Variants in NBEA observed in about 807,000 individuals in gnomAD.
The protein encoded by NBEA is lysosomal-trafficking regulator 2.
NBEA carries 44 observed loss-of-function variants against 343.4 expected under a neutral mutation model. That is an observed-to-expected ratio of 0.13 (90% CI 0.10 to 0.16). The LOEUF (loss-of-function observed/expected upper bound fraction) is 0.16. Ranked by LOEUF, NBEA falls within the 10% of genes least tolerant of loss-of-function variation. The probability of loss-of-function intolerance (pLI) is 1.00; values close to 1 mark genes in which losing one functional copy is unlikely to be tolerated. For missense variants in NBEA, 2,555 were observed against 3,631.3 expected, an observed-to-expected ratio of 0.70 and a Z score of 7.62; for synonymous variants, 1,175 against 1,238.7, an observed-to-expected ratio of 0.95 and a Z score of 1.08.
intron 17 of NBEA, among the ~76,000 whole-genome samples, chr13:35,127,605 CAAATATAGGCCTATTGACTA>C (rs561360140): frequency 7.9e-4 from 120 of 152,066 alleles, no homozygotes; most frequent in African/African-American, 2.7e-3. Context: ...TGAAATATTA[CAAATATAGGCCTATTGACTA>C]AAATTTGATG....
chr13:34,999,215 GTGGGTATATAATA>G (rs2061039489), intron 1 of NBEA, among the ~76,000 whole-genome samples: 1 of 152,080 alleles, frequency 6.6e-6, no homozygotes, highest in African/African-American at 2.4e-5. Flanking sequence ...AAAAATTTTT[GTGGGTATATAATA>G]TGGGGAATAT....
At chr13:35,268,458 A>C (rs982517832) in intron 34 of NBEA, among the ~76,000 whole-genome samples, 1 of 152,048 alleles carries the variant, frequency 6.6e-6, no homozygotes, top group Non-Finnish European at 1.5e-5. Context: ...GACTGAACTT[A>C]ATACCTCTGC....
chr13:35,442,945 C>T (rs528213996), intron 39 of NBEA, among the ~76,000 whole-genome samples: 120 of 152,192 alleles, frequency 7.9e-4, no homozygotes, highest in African/African-American at 2.8e-3. Flanking sequence ...ATGAAAATCA[C>T]GTTAGTATTG....
intron 39 of NBEA, among the ~76,000 whole-genome samples, chr13:35,442,658 T>TATGA (rs968480938): frequency 2.0e-5 from 3 of 152,210 alleles, no homozygotes; most frequent in Admixed American, 1.3e-4. Context: ...AAATACTGTT[T>TATGA]ATGAATTTCC....
chr13:34,974,998 G>T (rs1727362881), intron 1 of NBEA, among the ~76,000 whole-genome samples: 1 of 152,184 alleles, frequency 6.6e-6, no homozygotes, highest in Non-Finnish European at 1.5e-5. Flanking sequence ...GGCTAAGCAT[G>T]TAGTCCTCAT....
intron 30 of NBEA, among the ~76,000 whole-genome samples, chr13:35,195,107 A>G (rs2072485386): frequency 6.6e-6 from 1 of 152,118 alleles, no homozygotes; most frequent in South Asian, 2.1e-4. Context: ...TTCAGATATT[A>G]TTAGTTATTG....
chr13:35,048,465 C>T, intron 4 of NBEA, 98 bp from the exon 5 acceptor site: 1 of 1,119,950 alleles, frequency 8.9e-7, no homozygotes, highest in Non-Finnish European at 1.2e-6. Flanking sequence ...GGTATTTATA[C>T]TTTGATTGTT....
chr13:35,045,363 C>T lies in NBEA; in HGVS notation c.685C>T (p.Pro229Ser). Reference sequence around the variant, plus strand: ...TAATCAGATGCCACAGAGACACGGTCCTGATACTTTTTTCAATTTCCCTGG... The same window carrying T: ...TAATCAGATGCCACAGAGACACGGTTCTGATACTTTTTTCAATTTCCCTGG... Reference protein sequence around the residue: ...VLNQMPQRHGPDTFFNFPGCS... With the variant: ...VLNQMPQRHGSDTFFNFPGCS... The change falls in exon 4 of 59, where the codon CCT becomes TCT. Residue 229 changes from proline (P) to serine (S), a missense_variant. Physicochemically the swap from Pro to Ser is moderately conservative, Grantham distance 74. Around this residue, in one of 21 missense-constraint regions of NBEA, gnomAD observed 185 missense variants for 290.6 expected, o/e 0.64. Transcript: ENST00000379939. The T allele has an allele frequency of 6.2e-7, 1 of 1,612,258 alleles. No homozygotes were observed. The highest frequency in any genetic ancestry group is 2.2e-5 in the East Asian group (1 of 44,746).
chr13:35,359,516 AT>A (rs200357934), intron 38 of NBEA, among the ~76,000 whole-genome samples: 2 of 152,020 alleles, frequency 1.3e-5, no homozygotes, highest in Non-Finnish European at 2.9e-5. Flanking sequence ...TACCAAAAAA[AT>A]AGTTTAGTTA....
At chr13:35,426,345 A>G (rs996907551) in intron 38 of NBEA, among the ~76,000 whole-genome samples, 19 of 152,110 alleles carry the variant, frequency 1.2e-4, no homozygotes, top group African/African-American at 1.9e-4. Flanking sequence ...CAGGCCTGGT[A>G]GTGACAAAAT....
intron 41 of NBEA, among the ~76,000 whole-genome samples, chr13:35,521,695 A>G (rs1461742607): frequency 1.3e-5 from 2 of 152,158 alleles, no homozygotes; most frequent in African/African-American, 4.8e-5. Flanking sequence ...ATTACCAACT[A>G]AAGTTCCACT....
At chr13:35,264,549 A>G (rs1466630481) in intron 34 of NBEA, among the ~76,000 whole-genome samples, 1 of 152,078 alleles carries the variant, frequency 6.6e-6, no homozygotes, top group Non-Finnish European at 1.5e-5. Context: ...ATCAGTCACC[A>G]TGATCAAGTG....
rs1167130146 is a variant in NBEA, at chr13:35,606,740, T to G, written c.7449+162T>G. ...AAAAAGAAAACATTTTACTGTTGTC[T>G]TGACAGCATTCCTTATTGTAGAGTG... On this transcript the variant is annotated intron_variant, in intron 48 of 58. Coordinates refer to ENST00000379939, the MANE Select transcript of NBEA (RefSeq NM_001385012.1). Among the ~76,000 whole-genome samples, 3 of 152,348 alleles carry G rather than the reference T, an allele frequency of 2.0e-5. 1 individual carries two copies. The highest frequency in any genetic ancestry group is 6.5e-5 in the Admixed American group (1 of 15,296).
intron 25 of NBEA, 100 bp from the exon 26 acceptor site, chr13:35,171,172 A>C: frequency 1.1e-6 from 1 of 935,740 alleles, no homozygotes; most frequent in South Asian, 1.5e-5. Flanking sequence ...AATATGGTAA[A>C]TATACTAAAT....
chr13:35,559,800 C>T (rs2079769579), intron 44 of NBEA, among the ~76,000 whole-genome samples: 1 of 151,818 alleles, frequency 6.6e-6, no homozygotes, highest in African/African-American at 2.4e-5. Context: ...CCTGTAGTCC[C>T]AGCTACTCGG....
At position 35,405,855 on chromosome 13, in the gene NBEA, C is replaced by G. The variant is rs543088314; in HGVS notation, c.6180-26414C>G. On this transcript the variant is annotated intron_variant, in intron 38 of 58. Coordinates refer to ENST00000379939, the MANE Select transcript of NBEA (RefSeq NM_001385012.1). ...TACTTTCTTCCAAGTGTGGTAATTGCTCAGTAGAATTAGCTATTTCACAAG... is the reference window on the plus strand; with the variant it reads ...TACTTTCTTCCAAGTGTGGTAATTGGTCAGTAGAATTAGCTATTTCACAAG... Among the ~76,000 whole-genome samples, 7 of 152,168 alleles carry G rather than the reference C, an allele frequency of 4.6e-5. No individual in the cohort carries two copies. The South Asian group carries it at 8.3e-4, about 18-fold the overall frequency.
chr13:35,463,167 T>TA (rs1265771517), intron 40 of NBEA, among the ~76,000 whole-genome samples: 4 of 151,956 alleles, frequency 2.6e-5, no homozygotes, highest in African/African-American at 9.7e-5. Flanking sequence ...AAGCAGGAAG[T>TA]AAAGTAGTAA....
intron 18 of NBEA, among the ~76,000 whole-genome samples, chr13:35,150,148 T>C (rs1332736588): frequency 6.6e-6 from 1 of 152,256 alleles, no homozygotes; most frequent in Non-Finnish European, 1.5e-5. Flanking sequence ...CCAATTTTAG[T>C]AATAATACTT....
At chr13:35,045,092 A>AAGG (rs2062800340) in intron 3 of NBEA, 45 bp downstream of exon 3, 10 of 1,504,256 alleles carry the variant, frequency 6.6e-6, no homozygotes, top group Non-Finnish European at 9.1e-6. Context: ...CAGTCCATTA[A>AAGG]TACTTAATGT....
Sources: allele counts gnomAD v4.1 joint callset (sites outside exome capture counted in the v4.1 genomes callset), GRCh38; gene constraint gnomAD v4.1.1; regional missense constraint gnomAD v4.1.1; transcripts MANE v1.5; gene names NCBI Gene and HGNC (gene_info 2026-07-23, HGNC 2026-07-21).